The following CNIH3 variants were observed in gnomAD, a reference collection of about 807,000 sequenced individuals.
CNIH3 encodes cornichon family AMPA receptor auxiliary protein 3, also known as protein cornichon homolog 3.
In CNIH3, 14 loss-of-function variants were observed where a neutral mutation model predicts 24.1. The ratio of observed to expected loss-of-function variants is 0.58; its 90% CI spans 0.38 to 0.91. The LOEUF (loss-of-function observed/expected upper bound fraction) is 0.91, where lower values mean the gene tolerates loss of function less well. Among genes scored for constraint, CNIH3 ranks in the 40% least tolerant of loss-of-function variants. The pLI is 0.00. For missense variants in CNIH3, 178 were observed against 196.8 expected (o/e 0.90, Z 0.57); for synonymous variants, 68 against 73.8 (o/e 0.92, Z 0.40).
At chr1:224,649,090 T>C (rs965734080) in intron 1 of CNIH3, among the ~76,000 whole-genome samples, 3 of 152,252 alleles carry the variant, frequency 2.0e-5, no homozygotes, top group African/African-American at 7.2e-5. Flanking sequence ...AAGATGTTCA[T>C]GTCCTAATCC....
At chr1:224,656,167 A>C (rs1429137964) in intron 1 of CNIH3, among the ~76,000 whole-genome samples, 1 of 152,138 alleles carries the variant, frequency 6.6e-6, no homozygotes, top group Non-Finnish European at 1.5e-5. Flanking sequence ...CATGCTGAGG[A>C]AGGTCGTTGT....
chr1:224,600,020 G>C (rs1682141108), intron 3 of CNIH3, among the ~76,000 whole-genome samples: 1 of 152,068 alleles, frequency 6.6e-6, no homozygotes, highest in Admixed American at 6.6e-5. Flanking sequence ...TTTTAGTAAT[G>C]TTTTCCAACA....
At chr1:224,471,637 C>T (rs1676374747) in intron 1 of CNIH3, among the ~76,000 whole-genome samples, 2 of 150,880 alleles carry the variant, frequency 1.3e-5, no homozygotes, top group Non-Finnish European at 1.5e-5. Flanking sequence ...GTCACCCAGG[C>T]TGGAGTGCAG....
At chr1:224,635,790 C>T (rs1451451981) in intron 1 of CNIH3, among the ~76,000 whole-genome samples, 2 of 152,200 alleles carry the variant, frequency 1.3e-5, no homozygotes, top group Non-Finnish European at 2.9e-5. Context: ...TCACCTTGAA[C>T]TCCTGGGCTC....
At chr1:224,591,872 C>A (rs1181419781), downstream of CNIH3, among the ~76,000 whole-genome samples, 1 of 152,148 alleles carries the variant, frequency 6.6e-6, no homozygotes, top group Non-Finnish European at 1.5e-5. Flanking sequence ...TGATAATACC[C>A]ACGTTGCAGA....
chr1:224,672,475 A>G (rs986960641), intron 1 of CNIH3, among the ~76,000 whole-genome samples: 1 of 152,224 alleles, frequency 6.6e-6, no homozygotes, highest in Non-Finnish European at 1.5e-5. Flanking sequence ...TCTGAAGGCT[A>G]GAAGTCTGAA....
intron 3 of CNIH3, among the ~76,000 whole-genome samples, chr1:224,699,577 G>A (rs1231912457): frequency 6.6e-6 from 1 of 152,160 alleles, no homozygotes; most frequent in African/African-American, 2.4e-5. Context: ...TCCTCTGTGT[G>A]TCCGTGTCCT....
At chr1:224,578,021 G>A (rs924894753) in intron 4 of CNIH3, among the ~76,000 whole-genome samples, 3 of 152,120 alleles carry the variant, frequency 2.0e-5, no homozygotes, top group Non-Finnish European at 4.4e-5. Context: ...TTGCAGGGAA[G>A]GGTGGGAGGG....
At chr1:224,489,010 T>A (rs1677140205) in intron 1 of CNIH3, among the ~76,000 whole-genome samples, 1 of 152,224 alleles carries the variant, frequency 6.6e-6, no homozygotes, top group Non-Finnish European at 1.5e-5. Flanking sequence ...GATTTTATTC[T>A]TTTTCTTGAT....
At chr1:224,574,709 C>A in intron 4 of CNIH3, 1 of 1,197,130 alleles carries the variant, frequency 8.4e-7, no homozygotes, top group Non-Finnish European at 1.2e-6. Flanking sequence ...TGAAAGGAGC[C>A]TGCCAGAAGA....
intron 3 of CNIH3, chr1:224,717,957 T>C (rs1688513428): frequency 6.6e-6 from 1 of 152,206 alleles, no homozygotes; most frequent in South Asian, 2.1e-4. Context: ...GTGATGGTGA[T>C]AGCTATGCTT....
chr1:224,657,673 G>A (rs1242557892), intron 1 of CNIH3, among the ~76,000 whole-genome samples: 1 of 152,082 alleles, frequency 6.6e-6, no homozygotes, highest in African/African-American at 2.4e-5. Flanking sequence ...GCCCTCCAAC[G>A]AGAGTCCTGG....
At chr1:224,535,209 G>A (rs1000513539) in intron 2 of CNIH3, among the ~76,000 whole-genome samples, 2 of 152,140 alleles carry the variant, frequency 1.3e-5, no homozygotes, top group African/African-American at 2.4e-5. Context: ...GGACGTAGAC[G>A]CAGCGAGGAG....
chr1:224,542,675 G>A (rs1395222813), intron 2 of CNIH3, among the ~76,000 whole-genome samples: 1 of 152,190 alleles, frequency 6.6e-6, no homozygotes, highest in African/African-American at 2.4e-5. Flanking sequence ...CAGGTTTGGA[G>A]AATGGACCAA....
intron 3 of CNIH3, among the ~76,000 whole-genome samples, chr1:224,605,806 C>G (rs1477369274): frequency 6.6e-6 from 1 of 152,052 alleles, no homozygotes; most frequent in African/African-American, 2.4e-5. Context: ...TTACCGTAGC[C>G]CCCTGCCCAC....
At chr1:224,733,888 G>A (rs1173008306) in intron 4 of CNIH3, among the ~76,000 whole-genome samples, 1 of 152,092 alleles carries the variant, frequency 6.6e-6, no homozygotes, top group East Asian at 1.9e-4. Context: ...GTCTCACCAA[G>A]CCTGACGGCT....
At chr1:224,487,007 T>C (rs1677056175) in intron 1 of CNIH3, among the ~76,000 whole-genome samples, 1 of 152,166 alleles carries the variant, frequency 6.6e-6, no homozygotes, top group African/African-American at 2.4e-5. Flanking sequence ...ATAACCAAAC[T>C]CATAAATGTC....
intron 3 of CNIH3, among the ~76,000 whole-genome samples, chr1:224,709,006 ATTC>A (rs1687981047): frequency 6.6e-6 from 1 of 152,234 alleles, no homozygotes; most frequent in African/African-American, 2.4e-5. Context: ...GTGGATTCGT[ATTC>A]TTCAGGACAA....
chr1:224,721,113 GTGTT>G (rs1315531431), intron 3 of CNIH3, among the ~76,000 whole-genome samples: 1 of 152,064 alleles, frequency 6.6e-6, no homozygotes, highest in Non-Finnish European at 1.5e-5. Context: ...TCTGGCTTCC[GTGTT>G]TGTTGTTCAT....
Sources: allele counts gnomAD v4.1 joint callset (sites outside exome capture counted in the v4.1 genomes callset), GRCh38; gene constraint gnomAD v4.1.1; transcripts MANE v1.5; gene names NCBI Gene and HGNC (gene_info 2026-07-23, HGNC 2026-07-21).